The following TEX22 variants were observed in gnomAD, a reference collection of about 807,000 sequenced individuals.
TEX22 encodes the protein testis expressed 22.
Under a neutral mutation model 11.3 loss-of-function variants are expected in TEX22, and 16 were observed. That is an observed-to-expected ratio of 1.42 (90% confidence interval 0.96 to 2.15). TEX22 has a LOEUF of 2.15. Ranked by LOEUF, TEX22 falls within the 30% of genes most tolerant of loss-of-function variation. TEX22 has a pLI of 0.00. For synonymous variants in TEX22, 97 were observed against 92.3 expected (o/e 1.05, Z -0.29); for missense variants, 220 against 208.6 (o/e 1.05, Z -0.34).
chr14:105,409,615 C>T (rs782523639), intron 2 of TEX22, among the ~76,000 whole-genome samples: 4 of 150,880 alleles, frequency 2.7e-5, no homozygotes, highest in African/African-American at 4.9e-5. Context: ...GGGGATGGAG[C>T]GATCCTCCCT....
chr14:105,406,750 G>A (rs923868114), intron 2 of TEX22, among the ~76,000 whole-genome samples: 1 of 151,862 alleles, frequency 6.6e-6, no homozygotes, highest in African/African-American at 2.4e-5. Context: ...TCTATGTGGA[G>A]TTGGTGAGGA....
Position 105,407,073 on chromosome 14 carries a change from T to A in TEX22, c.151-4295T>A, listed in dbSNP as rs1442556439. 2.0e-5 allele frequency among the ~76,000 whole-genome samples: 3 copies of A among 149,810 alleles called. 1 individual carries two copies. The highest frequency in any genetic ancestry group is 3.9e-4 in the East Asian group (2 of 5,150). On this transcript the variant is annotated intron_variant, in intron 2 of 3. Transcript: ENST00000451127. ...CCATGTCTGGCTAATTTCTTAATTT[T>A]TTTTTTTTTTTTTTGAGACAGTCTC... is the stretch of plus-strand genomic sequence containing the variant.
chr14:105,401,194 A>G (rs112533976), intron 2 of TEX22, among the ~76,000 whole-genome samples: 4,323 of 152,306 alleles, frequency 0.028, 93 homozygotes, highest in Non-Finnish European at 0.044. Context: ...TGTCTGGCAC[A>G]TAGTAGGTGC....
intron 2 of TEX22, among the ~76,000 whole-genome samples, chr14:105,400,591 C>G (rs2081621594): frequency 6.6e-6 from 1 of 152,046 alleles, no homozygotes; most frequent in Admixed American, 6.6e-5. Context: ...CCATATCCAG[C>G]AAGGACACAG....
At chr14:105,410,958 CTCTT>C (rs781843682) in intron 2 of TEX22, among the ~76,000 whole-genome samples, 2 of 152,246 alleles carry the variant, frequency 1.3e-5, no homozygotes, top group African/African-American at 4.8e-5. Flanking sequence ...CTCCCGAACT[CTCTT>C]TATGATCATT....
In TEX22 at chr14:105,412,121, G is replaced by C. The variant is rs2081697622; in HGVS notation, c.*288G>C. The C allele has an allele frequency of 3.3e-6, 1 of 302,128 alleles. No homozygotes were observed. The highest frequency in any genetic ancestry group is 2.2e-5 in the African/African-American group (1 of 46,422). 18.7% of individuals were successfully genotyped at this position (302,128 alleles called of 1,614,324 possible). Reference sequence around the variant, plus strand: ...AGGAGCTTGCCCTCGGGGCCGCTGGGAGGAGGCCTGGGGTACCTGGGCCTG... The same window carrying C: ...AGGAGCTTGCCCTCGGGGCCGCTGGCAGGAGGCCTGGGGTACCTGGGCCTG... On this transcript the variant is annotated 3_prime_UTR_variant, in exon 4 of 4. Coordinates refer to ENST00000451127, the MANE Select transcript of TEX22 (RefSeq NM_001195082.2). This position sits in a 1 kb window ranked among gnomAD's most constrained non-coding sequence, Gnocchi z 5.8.
At chr14:105,402,499 A>G (rs752615480) in intron 2 of TEX22, among the ~76,000 whole-genome samples, 10 of 152,140 alleles carry the variant, frequency 6.6e-5, no homozygotes, top group Admixed American at 2.0e-4. Context: ...TCACGCCTGT[A>G]ATCCCAGCAC....
intron 2 of TEX22, among the ~76,000 whole-genome samples, chr14:105,408,328 G>A (rs782022731): frequency 2.0e-5 from 3 of 150,648 alleles, no homozygotes; most frequent in African/African-American, 7.3e-5. Flanking sequence ...TGCAACCTCC[G>A]CCTCCGGGGT....
chr14:105,402,086 T>G (rs1436509465), intron 2 of TEX22, among the ~76,000 whole-genome samples: 1 of 152,086 alleles, frequency 6.6e-6, no homozygotes, highest in East Asian at 1.9e-4. Context: ...CTTGGGAGGC[T>G]GAGGCAGGAG....
At chr14:105,400,407 G>C (rs587722297) in intron 2 of TEX22, among the ~76,000 whole-genome samples, 19 of 152,312 alleles carry the variant, frequency 1.2e-4, no homozygotes, top group African/African-American at 4.3e-4. Flanking sequence ...TTTGGGAGGC[G>C]AACATCTCAT....
In TEX22 at chr14:105,399,522, T is replaced by C. The variant is rs782540452; in HGVS notation, c.150+32T>C. ...GGAAGGAAACCCTGGCCGAGGCTACTCTCCTGTCCCCAGCCCGCCTGAGGC... is the reference window on the plus strand; with the variant it reads ...GGAAGGAAACCCTGGCCGAGGCTACCCTCCTGTCCCCAGCCCGCCTGAGGC... On this transcript the variant is annotated intron_variant, in intron 2 of 3. Transcript: ENST00000451127. The C allele has an allele frequency of 1.5e-5, 23 of 1,503,402 alleles. No individual in the cohort carries two copies. The East Asian group carries it at 4.7e-4, about 31-fold the overall frequency. The allele number at this position is 1,503,402 out of a possible 1,614,324, so 93.1% of individuals were successfully genotyped here.
At chr14:105,399,842 AG>A (rs200051117) in intron 2 of TEX22, among the ~76,000 whole-genome samples, 3 of 146,538 alleles carry the variant, frequency 2.0e-5, no homozygotes, top group Non-Finnish European at 4.5e-5. Flanking sequence ...CAAGGTCCCC[AG>A]GGGGGGTGGT....
intron 2 of TEX22, among the ~76,000 whole-genome samples, chr14:105,406,760 A>T (rs1180166095): frequency 1.3e-5 from 2 of 151,642 alleles, no homozygotes; most frequent in Non-Finnish European, 2.9e-5. Context: ...GTTGGTGAGG[A>T]TGTAAGGAAA....
intron 2 of TEX22, among the ~76,000 whole-genome samples, chr14:105,402,447 A>G (rs2081632531): frequency 6.6e-6 from 1 of 152,030 alleles, no homozygotes; most frequent in South Asian, 2.1e-4. Flanking sequence ...AGGAACTATG[A>G]AGTTCTTAGA....
Position 105,399,354 on chromosome 14 carries a change from A to G in TEX22, c.14A>G (p.Lys5Arg). 6.5e-7 allele frequency: 1 copy of G among 1,535,682 alleles called. No homozygotes were observed. The highest frequency in any genetic ancestry group is 8.7e-7 in the Non-Finnish European group (1 of 1,146,724). Reference protein sequence around the residue: MDSRKLSPRGKKLES... With the variant: MDSRRLSPRGKKLES... ...CTAGGGCTAGAGATGGACAGCAGGA[A>G]ACTGTCCCCCCGGGGGAAGAAGCTG... Residue 5 changes from lysine (K) to arginine (R), a missense_variant, in exon 2 of 4, where the codon AAA becomes AGA. Physicochemically the swap from Lys to Arg is conservative, Grantham distance 26. Coordinates refer to ENST00000451127, the MANE Select transcript of TEX22 (RefSeq NM_001195082.2).
intron 2 of TEX22, among the ~76,000 whole-genome samples, chr14:105,403,396 G>A (rs1555418621): frequency 6.6e-6 from 1 of 152,140 alleles, no homozygotes; most frequent in Non-Finnish European, 1.5e-5. Context: ...GTCCGTGGTT[G>A]TGACCTGTAA....
At chr14:105,402,113 G>A (rs2081630562) in intron 2 of TEX22, among the ~76,000 whole-genome samples, 1 of 152,170 alleles carries the variant, frequency 6.6e-6, no homozygotes, top group Admixed American at 6.5e-5. Flanking sequence ...TTGAACCTGG[G>A]AGTTGGAGGA....
At chr14:105,405,985 A>G (rs2081656738) in intron 2 of TEX22, among the ~76,000 whole-genome samples, 1 of 152,250 alleles carries the variant, frequency 6.6e-6, no homozygotes, top group African/African-American at 2.4e-5. Flanking sequence ...CAACCTGTGC[A>G]TAAATGTGGG....
intron 3 of TEX22, 25 bp downstream of exon 3, chr14:105,411,521 G>GGGGGGCCCCCCC: frequency 4.4e-6 from 2 of 458,520 alleles, no homozygotes; most frequent in Non-Finnish European, 5.6e-6. Flanking sequence ...GGTCCTCCCC[G>GGGGGGCCCCCCC]CCCCGTCCCC....
Sources: allele counts gnomAD v4.1 joint callset (sites outside exome capture counted in the v4.1 genomes callset), GRCh38; gene constraint gnomAD v4.1.1; non-coding constraint Gnocchi (gnomAD v3.1); transcripts MANE v1.5; gene names NCBI Gene and HGNC (gene_info 2026-07-23, HGNC 2026-07-21).